SETBP1: variants seen among roughly 807,000 people sequenced by gnomAD.
SETBP1 encodes SET binding protein 1, also known as SET-binding protein.
A neutral mutation model predicts 101.0 loss-of-function variants in SETBP1; 9 were observed. The observed-to-expected ratio is 0.09, with a 90% CI of 0.05 to 0.16. The LOEUF is 0.16. Ranked by LOEUF, SETBP1 falls within the 10% of genes least tolerant of loss-of-function variation. The pLI, the probability that SETBP1 is intolerant of heterozygous loss-of-function variation, is 1.00. For synonymous variants in SETBP1, 818 were observed against 788.5 expected (o/e 1.04, Z -0.63); for missense variants, 1,858 against 2,033.8 (o/e 0.91, Z 1.66).
intron 2 of SETBP1, among the ~76,000 whole-genome samples, chr18:44,773,587 A>G (rs1028968671): frequency 2.6e-5 from 4 of 152,172 alleles, no homozygotes; most frequent in African/African-American, 9.7e-5. Flanking sequence ...CCTAGAATAT[A>G]GAGAAGTGGT....
At chr18:44,907,951 T>C (rs922812764) in intron 3 of SETBP1, among the ~76,000 whole-genome samples, 4 of 152,228 alleles carry the variant, frequency 2.6e-5, no homozygotes, top group Non-Finnish European at 5.9e-5. Context: ...TTCTAAGAAA[T>C]TGATAGCTTT....
intron 2 of SETBP1, among the ~76,000 whole-genome samples, chr18:44,723,969 G>A (rs1368048347): frequency 6.6e-6 from 1 of 152,184 alleles, no homozygotes; most frequent in Non-Finnish European, 1.5e-5. Context: ...TTTTTAACGA[G>A]CCAAGAGACA....
In SETBP1 at chr18:44,968,369, A is replaced by G. The variant is rs1405441928; in HGVS notation, c.4000+15029A>G. On this transcript the variant is annotated intron_variant, in intron 4 of 5. Coordinates refer to ENST00000649279, the MANE Select transcript of SETBP1 (RefSeq NM_015559.3). ...GATGTACAAGAAGAAGAAAAAGCAA[A>G]TATAATAATTAAATGGTTCAATGTG... Among the ~76,000 whole-genome samples, 4 of 152,200 alleles carry G rather than the reference A, an allele frequency of 2.6e-5. 1 individual carries two copies. The highest frequency in any genetic ancestry group is 5.9e-5 in the Non-Finnish European group (4 of 68,034).
intron 2 of SETBP1, among the ~76,000 whole-genome samples, chr18:44,823,988 G>A (rs1015021132): frequency 1.3e-5 from 2 of 152,186 alleles, no homozygotes; most frequent in African/African-American, 4.8e-5. Flanking sequence ...CCAGGTGGCT[G>A]TGAGGATGAC....
intron 5 of SETBP1, among the ~76,000 whole-genome samples, chr18:45,048,865 G>A (rs1445413791): frequency 1.3e-5 from 2 of 150,070 alleles, no homozygotes; most frequent in Non-Finnish European, 3.0e-5. Context: ...CCAGCTACTC[G>A]GAAGGCTGAG....
chr18:44,920,960 G>A (rs1391983339), intron 3 of SETBP1, among the ~76,000 whole-genome samples: 1 of 152,132 alleles, frequency 6.6e-6, no homozygotes, highest in Non-Finnish European at 1.5e-5. Flanking sequence ...CAGGAATATG[G>A]TGTAATTGGA....
chr18:44,904,561 T>C (rs930932223), intron 3 of SETBP1, among the ~76,000 whole-genome samples: 4 of 152,324 alleles, frequency 2.6e-5, no homozygotes, highest in Middle Eastern at 3.4e-3. Flanking sequence ...TGCAAAATCC[T>C]GTGATTGTAT....
chr18:44,824,133 A>G (rs1451856856), intron 2 of SETBP1, among the ~76,000 whole-genome samples: 1 of 152,154 alleles, frequency 6.6e-6, no homozygotes, highest in African/African-American at 2.4e-5. Flanking sequence ...GTGCATGCAT[A>G]TGCATCTGTG....
chr18:44,882,873 T>C (rs1017575066), intron 3 of SETBP1, among the ~76,000 whole-genome samples: 1 of 152,206 alleles, frequency 6.6e-6, no homozygotes, highest in African/African-American at 2.4e-5. Flanking sequence ...CTTCAGCCAG[T>C]GCATTTGGTT....
chr18:44,780,832 G>C (rs2071113813), intron 2 of SETBP1, among the ~76,000 whole-genome samples: 1 of 152,226 alleles, frequency 6.6e-6, no homozygotes. Flanking sequence ...CTTGGTATTG[G>C]GGGTCATGGA....
chr18:44,995,687 AT>A (rs1872852940), intron 4 of SETBP1, among the ~76,000 whole-genome samples: 1 of 152,130 alleles, frequency 6.6e-6, no homozygotes, highest in South Asian at 2.1e-4. Context: ...GAAGTCCAAA[AT>A]CAAGATGCTG....
chr18:44,917,513 A>C (rs2070459976), intron 3 of SETBP1, among the ~76,000 whole-genome samples: 1 of 152,198 alleles, frequency 6.6e-6, no homozygotes, highest in South Asian at 2.1e-4. Flanking sequence ...TTATATCTAA[A>C]TGCCCGACTT....
intron 2 of SETBP1, among the ~76,000 whole-genome samples, chr18:44,766,791 G>C (rs570706057): frequency 5.3e-5 from 8 of 152,192 alleles, no homozygotes; most frequent in African/African-American, 9.6e-5. Context: ...AGGCAACATA[G>C]CAAGACCCTG....
intron 2 of SETBP1, among the ~76,000 whole-genome samples, chr18:44,745,260 A>G (rs1169089899): frequency 6.6e-6 from 1 of 152,182 alleles, no homozygotes; most frequent in African/African-American, 2.4e-5. Flanking sequence ...ATGTACACCT[A>G]GGTATGTATA....
intron 2 of SETBP1, among the ~76,000 whole-genome samples, chr18:44,713,346 G>A (rs2069387860): frequency 6.6e-6 from 1 of 152,136 alleles, no homozygotes; most frequent in Admixed American, 6.5e-5. Flanking sequence ...CACGGGGGGG[G>A]ACGTGCCACC....
intron 4 of SETBP1, among the ~76,000 whole-genome samples, chr18:45,014,261 G>A (rs567009627): frequency 5.1e-4 from 77 of 152,276 alleles, no homozygotes; most frequent in African/African-American, 1.8e-3. Flanking sequence ...CAGAGGAATC[G>A]GTTTCAGCCC....
At chr18:44,854,557 T>C (rs1449950736) in intron 2 of SETBP1, among the ~76,000 whole-genome samples, 1 of 152,178 alleles carries the variant, frequency 6.6e-6, no homozygotes, top group Non-Finnish European at 1.5e-5. Flanking sequence ...TCATGGGCTA[T>C]TGACCATGCC....
chr18:45,046,258 G>A (rs776371563), intron 5 of SETBP1, among the ~76,000 whole-genome samples: 14 of 152,162 alleles, frequency 9.2e-5, no homozygotes, highest in Admixed American at 7.2e-4. Context: ...CTGCACAAAC[G>A]TGTTTGGTTC....
intron 2 of SETBP1, among the ~76,000 whole-genome samples, chr18:44,807,631 G>A (rs2071776599): frequency 6.6e-6 from 1 of 152,206 alleles, no homozygotes; most frequent in Non-Finnish European, 1.5e-5. Context: ...ATTTGCTGAA[G>A]TCCATTTATG....
Sources: allele counts gnomAD v4.1 joint callset (sites outside exome capture counted in the v4.1 genomes callset), GRCh38; gene constraint gnomAD v4.1.1; transcripts MANE v1.5; gene names NCBI Gene and HGNC (gene_info 2026-07-23, HGNC 2026-07-21).